CAB39: variants seen among roughly 807,000 people sequenced by gnomAD.
The protein encoded by CAB39 is calcium binding protein 39, also known as calcium-binding protein 39.
CAB39 carries 8 observed loss-of-function variants against 40.0 expected under a neutral mutation model. The observed-to-expected ratio is 0.20, with a 90% CI of 0.12 to 0.36. The LOEUF (loss-of-function observed/expected upper bound fraction) is 0.36. Among genes scored for constraint, CAB39 ranks in the 10% least tolerant of loss-of-function variants. CAB39 has a pLI of 1.00. For missense variants in CAB39, 270 were observed against 401.1 expected, an observed-to-expected ratio of 0.67 and a Z score of 2.79; for synonymous variants, 156 against 141.6, an observed-to-expected ratio of 1.10 and a Z score of -0.72.
chr2:230,815,950 A>G (rs1448256296), intron 7 of CAB39, among the ~76,000 whole-genome samples: 47 of 152,216 alleles, frequency 3.1e-4, no homozygotes. Context: ...TATATTCCCT[A>G]TGCAAGACTC....
intron 7 of CAB39, among the ~76,000 whole-genome samples, chr2:230,817,327 C>T (rs1421470641): frequency 2.0e-5 from 3 of 152,100 alleles, no homozygotes; most frequent in Admixed American, 6.5e-5. Flanking sequence ...TGGAAAGTCC[C>T]GCTAAATAAA....
At chr2:230,764,772 T>C (rs1359383637) in intron 2 of CAB39, among the ~76,000 whole-genome samples, 3 of 152,254 alleles carry the variant, frequency 2.0e-5, no homozygotes, top group African/African-American at 7.2e-5. Context: ...TGTGTCTGTC[T>C]GTCTTCCAAT....
chr2:230,729,229 G>A (rs1316146377), intron 1 of CAB39, among the ~76,000 whole-genome samples: 4 of 152,192 alleles, frequency 2.6e-5, no homozygotes, highest in African/African-American at 7.2e-5. Flanking sequence ...ATCCCAATAT[G>A]TGCCAAGATA....
At chr2:230,721,392 C>G (rs1169257621) in intron 1 of CAB39, among the ~76,000 whole-genome samples, 5 of 152,312 alleles carry the variant, frequency 3.3e-5, no homozygotes, top group South Asian at 2.1e-4. Flanking sequence ...GATAGTGCCA[C>G]TGCGCTCCAG....
At chr2:230,755,787 A>C (rs1360031752) in intron 1 of CAB39, among the ~76,000 whole-genome samples, 1 of 152,248 alleles carries the variant, frequency 6.6e-6, no homozygotes. Flanking sequence ...TCCTCCAAAT[A>C]TGTATAAAAG....
At chr2:230,789,567 G>A (rs1416012291) in intron 2 of CAB39, among the ~76,000 whole-genome samples, 1 of 152,192 alleles carries the variant, frequency 6.6e-6, no homozygotes, top group Non-Finnish European at 1.5e-5. Context: ...CATTAGGCTG[G>A]TAGGAAACAG....
chr2:230,729,359 A>G (rs1242219982), intron 1 of CAB39, among the ~76,000 whole-genome samples: 1 of 152,264 alleles, frequency 6.6e-6, no homozygotes, highest in Non-Finnish European at 1.5e-5. Flanking sequence ...ATCAAATAAA[A>G]GACTTAACTA....
intron 3 of CAB39, among the ~76,000 whole-genome samples, chr2:230,791,817 A>G (rs1281856101): frequency 6.6e-6 from 1 of 152,268 alleles, no homozygotes; most frequent in Non-Finnish European, 1.5e-5. Context: ...TGGATTTAAC[A>G]GTGAGAATAA....
chr2:230,746,125 A>C (rs1034884369), intron 1 of CAB39, among the ~76,000 whole-genome samples: 8 of 152,084 alleles, frequency 5.3e-5, no homozygotes, highest in Non-Finnish European at 1.2e-4. Flanking sequence ...GTAATACTTG[A>C]TTTATGTGTA....
intron 1 of CAB39, among the ~76,000 whole-genome samples, chr2:230,759,640 C>T (rs1014369285): frequency 6.6e-6 from 1 of 152,200 alleles, no homozygotes; most frequent in Admixed American, 6.5e-5. Flanking sequence ...GTAGCAGTTG[C>T]CCTGTGAGTG....
chr2:230,777,440 T>TA (rs1559607177), intron 2 of CAB39, among the ~76,000 whole-genome samples: 1 of 150,500 alleles, frequency 6.6e-6, no homozygotes, highest in Non-Finnish European at 1.5e-5. Flanking sequence ...TTTTTTTAAA[T>TA]ATGGAGTCTT....
intron 1 of CAB39, among the ~76,000 whole-genome samples, chr2:230,732,800 A>G (rs1694718054): frequency 6.6e-6 from 1 of 152,200 alleles, no homozygotes; most frequent in African/African-American, 2.4e-5. Context: ...AATGGCAACT[A>G]GTTGCCCACC....
intron 5 of CAB39, among the ~76,000 whole-genome samples, chr2:230,802,634 A>G (rs1575957286): frequency 6.6e-6 from 1 of 152,370 alleles, no homozygotes; most frequent in African/African-American, 2.4e-5. Context: ...AAACACCTCT[A>G]TGCAAATAAA....
At position 230,805,802 on chromosome 2, in the gene CAB39, C is replaced by G. The variant is rs540421964; in HGVS notation, c.568-4461C>G. Among the ~76,000 whole-genome samples, 4 of 152,324 alleles carry G rather than the reference C, an allele frequency of 2.6e-5. No homozygotes were observed. In the South Asian group the frequency reaches 8.3e-4, roughly 32 times the overall value. ...TTCACAACCAGTTGTATGTTATATC[C>G]ATATGCTATTGGCACGTAAATTGCC... On this transcript the variant is annotated intron_variant, in intron 5 of 8. Transcript: ENST00000258418.
At chr2:230,750,793 T>C (rs1695072976) in intron 1 of CAB39, among the ~76,000 whole-genome samples, 1 of 152,254 alleles carries the variant, frequency 6.6e-6, no homozygotes, top group Non-Finnish European at 1.5e-5. Context: ...GATACAGTGC[T>C]AAGCACTTTT....
Position 230,813,860 on chromosome 2 carries a change from CAG to C in CAB39, c.628-186_628-185del, listed in dbSNP as rs1405469552. 1.6e-5 allele frequency: 8 copies of C among 492,818 alleles called. 1 individual carries two copies. Among genetic ancestry groups the C allele is most frequent in the Admixed American group, 1.6e-4 (4 of 24,652 alleles). 30.5% of individuals were successfully genotyped at this position (492,818 alleles called of 1,614,324 possible). On this transcript the variant is annotated intron_variant, in intron 6 of 8. Coordinates refer to ENST00000258418, the MANE Select transcript of CAB39 (RefSeq NM_016289.4). ...GATTGGTGGGATCACCTGAGAGTCTCAGAGCAAACATGTCAGAGGAAGACATG... is the reference window on the plus strand; with the variant it reads ...GATTGGTGGGATCACCTGAGAGTCTCAGCAAACATGTCAGAGGAAGACATG...
intron 2 of CAB39, among the ~76,000 whole-genome samples, chr2:230,762,266 G>A (rs190871321): frequency 6.6e-6 from 1 of 152,180 alleles, no homozygotes; most frequent in Non-Finnish European, 1.5e-5. Flanking sequence ...TGGTCAATGG[G>A]GATATAAAAA....
At chr2:230,786,231 C>T (rs1446968732) in intron 2 of CAB39, among the ~76,000 whole-genome samples, 2 of 151,038 alleles carry the variant, frequency 1.3e-5, no homozygotes, top group East Asian at 2.0e-4. Flanking sequence ...TCTCAAACTC[C>T]TAGGCTCAAG....
At chr2:230,785,484 G>A (rs35250878) in intron 2 of CAB39, among the ~76,000 whole-genome samples, 1 of 151,984 alleles carries the variant, frequency 6.6e-6, no homozygotes, top group Non-Finnish European at 1.5e-5. Context: ...GAAGAAATTA[G>A]GTGAGGGGAG....
Sources: gnomAD v4.1 joint callset for allele counts (sites outside exome capture counted in the v4.1 genomes callset) on GRCh38, gnomAD v4.1.1 for gene constraint, MANE v1.5 for transcripts, NCBI Gene and HGNC (gene_info 2026-07-23, HGNC 2026-07-21) for gene names.